ITGBL1: variants seen among roughly 807,000 people sequenced by gnomAD.
The protein encoded by ITGBL1 is integrin beta-like protein 1.
ITGBL1 carries 51 observed loss-of-function variants against 68.5 expected under a neutral mutation model. That is an observed-to-expected ratio of 0.74 (90% CI 0.59 to 0.94). ITGBL1 has a LOEUF of 0.94. Ranked by LOEUF, ITGBL1 falls within the 40% of genes least tolerant of loss-of-function variation. ITGBL1 has a pLI of 0.00. For missense variants in ITGBL1, 649 were observed against 647.4 expected, an observed-to-expected ratio of 1.00 and a Z score of -0.03; for synonymous variants, 209 against 227.3, an observed-to-expected ratio of 0.92 and a Z score of 0.72.
chr13:101,546,080 TATG>T (rs2049818153), intron 2 of ITGBL1, among the ~76,000 whole-genome samples: 1 of 152,210 alleles, frequency 6.6e-6, no homozygotes, highest in African/African-American at 2.4e-5. Context: ...GGTAAAATGT[TATG>T]ATAAAAAATA....
chr13:101,515,876 A>G (rs2152326), intron 2 of ITGBL1, among the ~76,000 whole-genome samples: 57,306 of 151,916 alleles, frequency 0.38, 11,308 homozygotes, highest in Non-Finnish European at 0.44. Flanking sequence ...TACCTTTTTC[A>G]ATTGCTTTTC....
At chr13:101,536,305 C>T (rs749812838) in intron 2 of ITGBL1, among the ~76,000 whole-genome samples, 5 of 151,924 alleles carry the variant, frequency 3.3e-5, no homozygotes, top group African/African-American at 4.8e-5. Context: ...AACTTCTAGA[C>T]GCTTTCAGTT....
At chr13:101,484,882 CTT>C (rs1218608724) in intron 2 of ITGBL1, among the ~76,000 whole-genome samples, 1 of 151,930 alleles carries the variant, frequency 6.6e-6, no homozygotes, top group Non-Finnish European at 1.5e-5. Context: ...GCTCAATAAA[CTT>C]GAACTATAAA....
At chr13:101,706,418 G>A (rs566680944) in intron 8 of ITGBL1, among the ~76,000 whole-genome samples, 2 of 152,270 alleles carry the variant, frequency 1.3e-5, no homozygotes, top group Admixed American at 6.5e-5. Context: ...TGGATGGCAT[G>A]GTGTGTGCAA....
At chr13:101,679,455 G>T (rs963807224) in intron 7 of ITGBL1, among the ~76,000 whole-genome samples, 6 of 152,122 alleles carry the variant, frequency 3.9e-5, no homozygotes, top group African/African-American at 1.4e-4. Context: ...CGAAAGCAGG[G>T]CACTGCCTGA....
At chr13:101,484,991 A>G (rs1471459171) in intron 2 of ITGBL1, among the ~76,000 whole-genome samples, 1 of 152,074 alleles carries the variant, frequency 6.6e-6, no homozygotes, top group African/African-American at 2.4e-5. Context: ...TAGAGAAAAA[A>G]CCGTATACTG....
At chr13:101,684,881 T>C (rs1424920493) in intron 7 of ITGBL1, among the ~76,000 whole-genome samples, 1 of 151,984 alleles carries the variant, frequency 6.6e-6, no homozygotes, top group Non-Finnish European at 1.5e-5. Context: ...TTTCTTCCTT[T>C]TTCACTAGTA....
chr13:101,527,153 G>T (rs1461710644), intron 2 of ITGBL1, among the ~76,000 whole-genome samples: 1 of 151,918 alleles, frequency 6.6e-6, no homozygotes, highest in Non-Finnish European at 1.5e-5. Context: ...ACACTTTAGT[G>T]CATATTGCCC....
intron 2 of ITGBL1, among the ~76,000 whole-genome samples, chr13:101,503,695 G>T (rs998988491): frequency 6.6e-6 from 1 of 152,202 alleles, no homozygotes; most frequent in African/African-American, 2.4e-5. Flanking sequence ...TTGTGTGGAG[G>T]GGTTAGTCCC....
chr13:101,546,551 A>G (rs1436152768), intron 2 of ITGBL1, among the ~76,000 whole-genome samples: 1 of 152,202 alleles, frequency 6.6e-6, no homozygotes, highest in Non-Finnish European at 1.5e-5. Flanking sequence ...GTCTTTGTAT[A>G]GTCTTCCTGC....
intron 3 of ITGBL1, among the ~76,000 whole-genome samples, chr13:101,572,121 CT>C (rs1198235151): frequency 2.0e-5 from 3 of 152,250 alleles, no homozygotes; most frequent in African/African-American, 7.2e-5. Context: ...TTCATGTTTA[CT>C]TTGGCAGTCT....
intron 2 of ITGBL1, among the ~76,000 whole-genome samples, chr13:101,520,538 T>G (rs2049268216): frequency 6.6e-6 from 1 of 152,128 alleles, no homozygotes; most frequent in Admixed American, 6.6e-5. Context: ...ATGTATCAGC[T>G]TCCATCTTTC....
At position 101,452,815 on chromosome 13, in the gene ITGBL1, A is replaced by G. The variant is rs1474602919; in HGVS notation, c.-19A>G. 1 of 1,609,000 alleles carries G rather than the reference A, an allele frequency of 6.2e-7. No individual in the cohort carries two copies. The highest frequency in any genetic ancestry group is 2.2e-5 in the East Asian group (1 of 44,846). On this transcript the variant is annotated 5_prime_UTR_variant, in exon 1 of 11. Coordinates refer to ENST00000376180, the MANE Select transcript of ITGBL1 (RefSeq NM_004791.3). ...CCTTGCAGAAGTGCAGCTCGCCCGGAGCAGCCCAGGAGCTCAGCATGCGTC... is the reference window on the plus strand; with the variant it reads ...CCTTGCAGAAGTGCAGCTCGCCCGGGGCAGCCCAGGAGCTCAGCATGCGTC...
At chr13:101,542,049 G>A (rs1449582057) in intron 2 of ITGBL1, among the ~76,000 whole-genome samples, 6 of 151,988 alleles carry the variant, frequency 3.9e-5, no homozygotes, top group South Asian at 4.1e-4. Context: ...TTGTGTCTCT[G>A]TTTCCTTCAG....
chr13:101,694,318 G>T (rs1163425022), intron 8 of ITGBL1, among the ~76,000 whole-genome samples: 1 of 152,178 alleles, frequency 6.6e-6, no homozygotes, highest in Non-Finnish European at 1.5e-5. Flanking sequence ...CAATATGTAT[G>T]TATGTATATA....
chr13:101,525,599 T>G (rs1441624669), intron 2 of ITGBL1, among the ~76,000 whole-genome samples: 1 of 152,028 alleles, frequency 6.6e-6, no homozygotes, highest in Non-Finnish European at 1.5e-5. Flanking sequence ...ATTCCGTGTC[T>G]ATTTTCTAAT....
intron 2 of ITGBL1, among the ~76,000 whole-genome samples, chr13:101,523,358 G>A (rs899421510): frequency 5.9e-5 from 9 of 152,088 alleles, no homozygotes; most frequent in Non-Finnish European, 8.8e-5. Flanking sequence ...GTGAGAGTCC[G>A]CCTCCAAGTT....
chr13:101,471,385 G>T (rs2048454838), intron 2 of ITGBL1, among the ~76,000 whole-genome samples: 2 of 151,982 alleles, frequency 1.3e-5, no homozygotes, highest in South Asian at 4.2e-4. Flanking sequence ...ACTCCTCAAG[G>T]GCAGGAATAG....
intron 7 of ITGBL1, among the ~76,000 whole-genome samples, chr13:101,688,400 G>A (rs184138345): frequency 5.9e-5 from 9 of 152,142 alleles, no homozygotes; most frequent in East Asian, 5.8e-4. Flanking sequence ...ATAGAACACC[G>A]AGTAGGACTT....
Sources: allele counts gnomAD v4.1 joint callset (sites outside exome capture counted in the v4.1 genomes callset), GRCh38; gene constraint gnomAD v4.1.1; transcripts MANE v1.5; gene names NCBI Gene and HGNC (gene_info 2026-07-23, HGNC 2026-07-21).